Variants in GGT5 observed in about 807,000 individuals in gnomAD.
The protein encoded by GGT5 is glutathione hydrolase 5 proenzyme.
GGT5 carries 50 observed loss-of-function variants against 58.1 expected under a neutral mutation model. The ratio of observed to expected loss-of-function variants is 0.86; its 90% CI spans 0.69 to 1.09. The LOEUF (loss-of-function observed/expected upper bound fraction) is 1.09, where lower values mean the gene tolerates loss of function less well. GGT5 is among the 50% of genes least tolerant of loss of function. GGT5 has a pLI of 0.00. For synonymous variants in GGT5, 370 were observed against 346.1 expected, an observed-to-expected ratio of 1.07 and a Z score of -0.77; for missense variants, 800 against 789.4, an observed-to-expected ratio of 1.01 and a Z score of -0.16.
chr22:24,244,767 C>A lies in GGT5; in HGVS notation c.-42G>T. 1 of 1,560,620 alleles carries A rather than the reference C, an allele frequency of 6.4e-7. No individual in the cohort carries two copies. The highest frequency in any genetic ancestry group is 8.7e-7 in the Non-Finnish European group (1 of 1,151,102). On this transcript the variant is annotated 5_prime_UTR_variant, in exon 1 of 12. Coordinates refer to ENST00000327365, the MANE Select transcript of GGT5 (RefSeq NM_004121.5). Reference sequence around the variant, plus strand: ...AGGAGAGGGGCGGCTGGTGGGCAGACGGAGGGACGGATGGGTGGGCAGATG... The same window carrying A: ...AGGAGAGGGGCGGCTGGTGGGCAGAAGGAGGGACGGATGGGTGGGCAGATG...
At chr22:24,234,139 C>T in intron 1 of GGT5, 135 bp from the exon 2 acceptor site, 10 of 769,262 alleles carry the variant, frequency 1.3e-5, no homozygotes, top group Non-Finnish European at 1.9e-5. Context: ...GATTAGGTTG[C>T]AGAACACAAC....
chr22:24,226,043 G>A (rs1235962187), intron 8 of GGT5, 33 bp downstream of exon 8: 2 of 1,474,292 alleles, frequency 1.4e-6, no homozygotes, highest in African/African-American at 1.4e-5. Context: ...GAGGAGGAGT[G>A]AAGCCATCCG....
rs1209973968 is a variant in GGT5, at chr22:24,220,093, G to A, written c.1638C>T (p.Asp546=). 1 of 1,614,204 alleles carries A rather than the reference G, an allele frequency of 6.2e-7. No individual in the cohort carries two copies. Among genetic ancestry groups the A allele is most frequent in the South Asian group, 1.1e-5 (1 of 91,086 alleles). The change falls in exon 12 of 12, where the codon GAC becomes GAT. Residue 546 remains aspartate, a synonymous_variant. Coordinates refer to ENST00000327365, the MANE Select transcript of GGT5 (RefSeq NM_004121.5). ...GCCTCTGGGTCTGGTTCTGGCCACGGTCTTGGAGTCCCCTCTGCACCTCCT... is the reference window on the plus strand; with the variant it reads ...GCCTCTGGGTCTGGTTCTGGCCACGATCTTGGAGTCCCCTCTGCACCTCCT... The part of the protein sequence containing the change: ...FSQEVQRGLQ[D]RGQNQTQRPF...
At position 24,226,667 on chromosome 22, in the gene GGT5, C is replaced by T. The variant is rs1400509609; in HGVS notation, c.1002G>A (p.Trp334Ter). 1.2e-6 allele frequency: 2 copies of T among 1,614,168 alleles called. No homozygotes were observed. Among genetic ancestry groups the T allele is most frequent in the South Asian group, 2.2e-5 (2 of 91,090 alleles). Reference sequence around the variant, plus strand: ...GGTGGCTTCGAGGGTCCCCCAGCCTCCACCTCTGCCCCTTGGCAAACTTGA... The same window carrying T: ...GGTGGCTTCGAGGGTCCCCCAGCCTTCACCTCTGCCCCTTGGCAAACTTGA... The part of the protein sequence containing the change: ...ETLKFAKGQR[W>*]RLGDPRSHPK... Residue 334 changes from tryptophan (W) to a stop codon, truncating the protein, a stop_gained, in exon 7 of 12, where the codon TGG (tryptophan) becomes TGA (stop). Transcript: ENST00000327365. LOFTEE classifies it high-confidence loss of function.
At chr22:24,224,495 G>A (rs1012541100) in intron 11 of GGT5, among the ~76,000 whole-genome samples, 4 of 151,058 alleles carry the variant, frequency 2.6e-5, no homozygotes, top group African/African-American at 9.7e-5. Context: ...TCCAGCCTGG[G>A]CAACAGAGTG....
intron 8 of GGT5, 129 bp from the exon 9 acceptor site, chr22:24,225,781 C>T (rs568226124): frequency 1.5e-6 from 1 of 685,778 alleles, no homozygotes; most frequent in East Asian, 2.7e-5. Flanking sequence ...CCGCTATTCT[C>T]TCCCTGGCAC....
At chr22:24,231,658 G>T in intron 5 of GGT5, 128 bp from the exon 6 acceptor site, 1 of 975,394 alleles carries the variant, frequency 1.0e-6, no homozygotes, top group Non-Finnish European at 1.5e-6. Context: ...GATGATGGTA[G>T]GTCTGTAGGC....
rs1407938867 is a variant in GGT5 at position 24,232,063 on chromosome 22, T to C, written c.742A>G (p.Ile248Val). 7 of 1,613,448 alleles carry C rather than the reference T, an allele frequency of 4.3e-6. No individual in the cohort carries two copies. The highest frequency in any genetic ancestry group is 5.9e-6 in the Non-Finnish European group (7 of 1,179,642). The change falls in exon 5 of 12, where the codon ATT (isoleucine) becomes GTT (valine). Residue 248 changes from isoleucine (I) to valine (V), a missense_variant. By Grantham distance (29) the Ile-to-Val change is conservative (BLOSUM62 3). Transcript: ENST00000327365. ...CAGGGAGGCTGACCTTCCTTGGCAA[T>C]GTCCTCCACCAGCATCTGGCCCAGC... The part of the protein sequence containing the change: ...GRLGQMLVED[I>V]AKEGSQLTLQ...
intron 1 of GGT5, among the ~76,000 whole-genome samples, chr22:24,239,590 C>A (rs2048275099): frequency 6.6e-6 from 1 of 151,874 alleles, no homozygotes; most frequent in African/African-American, 2.4e-5. Flanking sequence ...ATACTCGGGG[C>A]TTCATTACAC....
chr22:24,223,800 T>A (rs1282294011), intron 11 of GGT5, among the ~76,000 whole-genome samples: 6 of 146,450 alleles, frequency 4.1e-5, no homozygotes, highest in African/African-American at 1.5e-4. Flanking sequence ...TTTGTTCTTG[T>A]CACCCAGGCT....
In GGT5 at chr22:24,238,827, ATATATTTATAT is replaced by A. The variant is rs1197576925; in HGVS notation, c.174-4834_174-4824del. Among the ~76,000 whole-genome samples the A allele has an allele frequency of 6.4e-3, 71 of 11,068 alleles. 1 individual carries two copies. Among genetic ancestry groups the A allele is most frequent in the Non-Finnish European group, 7.6e-3 (56 of 7,332 alleles). The allele number at this position is 11,068 out of a possible 152,430, so 7.3% of individuals were successfully genotyped here. A position where few individuals can be genotyped will look rare whatever the true frequency, so the allele number is the denominator to read the frequency against. ...TATATAATATATTATATATATATAT[ATATATTTATAT>A]ATATATATTATATATATTATATATA... On this transcript the variant is annotated intron_variant, in intron 1 of 11. Transcript: ENST00000327365.
rs1214561315 is a variant in GGT5 at position 24,225,089 on chromosome 22, C to T, written c.1521G>A (p.Leu507=). 1 of 1,602,654 alleles carries T rather than the reference C, an allele frequency of 6.2e-7. No homozygotes were observed. The highest frequency in any genetic ancestry group is 8.5e-7 in the Non-Finnish European group (1 of 1,174,466). ...SAVAQAIMSK[L]WLGFDLRAAI... Reference sequence around the variant, plus strand: ...CCGCTCTCAGGTCAAAGCCAAGCCACAGCTTGCTCATGATGGCCTGGGGGA... The same window carrying T: ...CCGCTCTCAGGTCAAAGCCAAGCCATAGCTTGCTCATGATGGCCTGGGGGA... The change falls in exon 11 of 12, where the codon CTG becomes CTA. Residue 507 remains leucine (L), a synonymous_variant. Coordinates refer to ENST00000327365, the MANE Select transcript of GGT5 (RefSeq NM_004121.5).
chr22:24,235,430 G>A (rs377329545), intron 1 of GGT5, among the ~76,000 whole-genome samples: 6 of 152,184 alleles, frequency 3.9e-5, no homozygotes, highest in African/African-American at 1.4e-4. Flanking sequence ...CTGGGTCCCT[G>A]CACCCACCCC....
chr22:24,226,355 G>T (rs972769096), intron 7 of GGT5, 89 bp from the exon 8 acceptor site: 2 of 1,031,574 alleles, frequency 1.9e-6, no homozygotes, highest in Non-Finnish European at 2.8e-6. Context: ...CCCCATGGGG[G>T]CCACCTCCAG....
At chr22:24,231,183 T>C (rs962554189) in intron 6 of GGT5, among the ~76,000 whole-genome samples, 10 of 152,166 alleles carry the variant, frequency 6.6e-5, no homozygotes, top group Non-Finnish European at 1.5e-4. Flanking sequence ...CACGTATGGG[T>C]CGAGCTGGAG....
At chr22:24,229,298 G>C (rs570325974) in intron 6 of GGT5, among the ~76,000 whole-genome samples, 6 of 150,560 alleles carry the variant, frequency 4.0e-5, no homozygotes, top group Non-Finnish European at 7.4e-5. Flanking sequence ...TCCCAGCTAC[G>C]TGGGAGGCTG....
intron 11 of GGT5, among the ~76,000 whole-genome samples, chr22:24,222,877 A>G (rs573617018): frequency 4.6e-4 from 70 of 152,030 alleles, no homozygotes; most frequent in Middle Eastern, 3.4e-3. Flanking sequence ...GGAGATCGAG[A>G]CCATCCTGGC....
intron 5 of GGT5, 78 bp downstream of exon 5, chr22:24,231,973 C>A: frequency 1.6e-6 from 2 of 1,245,042 alleles, no homozygotes; most frequent in South Asian, 1.3e-5. Flanking sequence ...TGGGAAGGAG[C>A]CTGCCCTCAA....
intron 1 of GGT5, among the ~76,000 whole-genome samples, chr22:24,239,908 C>T (rs954588156): frequency 6.6e-6 from 1 of 151,606 alleles, no homozygotes; most frequent in East Asian, 1.9e-4. Context: ...ATGGTGAAAC[C>T]CTGTCTCTAC....
Sources: allele counts gnomAD v4.1 joint callset (sites outside exome capture counted in the v4.1 genomes callset), GRCh38; gene constraint gnomAD v4.1.1; transcripts MANE v1.5; gene names NCBI Gene and HGNC (gene_info 2026-07-23, HGNC 2026-07-21).